ARHGAP26: variants seen among roughly 807,000 people sequenced by gnomAD.
ARHGAP26 encodes Rho GTPase activating protein 26.
ARHGAP26 carries 38 observed loss-of-function variants against 104.8 expected under a neutral mutation model. The ratio of observed to expected loss-of-function variants is 0.36; its 90% CI spans 0.28 to 0.48. ARHGAP26 has a LOEUF of 0.48. Among genes scored for constraint, ARHGAP26 ranks in the 20% least tolerant of loss-of-function variants. The pLI is 0.99. For synonymous variants in ARHGAP26, 341 were observed against 340.0 expected, an observed-to-expected ratio of 1.00 and a Z score of -0.03; for missense variants, 704 against 947.9, an observed-to-expected ratio of 0.74 and a Z score of 3.38.
At chr5:142,977,047 C>G (rs1304107693) in intron 11 of ARHGAP26, among the ~76,000 whole-genome samples, 1 of 152,206 alleles carries the variant, frequency 6.6e-6, no homozygotes, top group Non-Finnish European at 1.5e-5. Context: ...TGAGGCCACT[C>G]CTGAGTCATA....
intron 18 of ARHGAP26, among the ~76,000 whole-genome samples, chr5:143,125,364 A>G (rs1037686267): frequency 1.3e-5 from 2 of 152,146 alleles, no homozygotes; most frequent in Non-Finnish European, 2.9e-5. Context: ...AAGTCTAGAA[A>G]CACCCTCTCC....
intron 1 of ARHGAP26, among the ~76,000 whole-genome samples, chr5:142,867,342 G>T (rs924122898): frequency 6.8e-6 from 1 of 146,076 alleles, no homozygotes; most frequent in Non-Finnish European, 1.5e-5. Flanking sequence ...GTTTGTTTTT[G>T]CTAGTACAAT....
chr5:142,822,372 A>T (rs1766368564), intron 1 of ARHGAP26, among the ~76,000 whole-genome samples: 1 of 152,132 alleles, frequency 6.6e-6, no homozygotes, highest in Non-Finnish European at 1.5e-5. Flanking sequence ...GGCTATCTTC[A>T]TTTTGGCATG....
At chr5:143,017,130 T>C (rs868646386) in intron 12 of ARHGAP26, among the ~76,000 whole-genome samples, 5 of 152,234 alleles carry the variant, frequency 3.3e-5, no homozygotes, top group Non-Finnish European at 7.3e-5. Context: ...ATTCCAAATG[T>C]CCGGCATTTT....
At chr5:143,039,907 T>C (rs1247235218) in intron 13 of ARHGAP26, among the ~76,000 whole-genome samples, 4 of 152,210 alleles carry the variant, frequency 2.6e-5, no homozygotes, top group East Asian at 1.9e-4. Flanking sequence ...AAAGTCTTCA[T>C]TGAGCACAAA....
chr5:142,832,569 C>A (rs949645383), intron 1 of ARHGAP26, among the ~76,000 whole-genome samples: 10 of 152,220 alleles, frequency 6.6e-5, no homozygotes, highest in Non-Finnish European at 1.5e-4. Flanking sequence ...ATACAAATAA[C>A]AAACACTTAT....
At chr5:142,826,702 G>T (rs1172862904) in intron 1 of ARHGAP26, among the ~76,000 whole-genome samples, 4 of 152,252 alleles carry the variant, frequency 2.6e-5, no homozygotes, top group South Asian at 2.1e-4. Flanking sequence ...TGTGTCCCTG[G>T]CCCCATCACC....
intron 17 of ARHGAP26, among the ~76,000 whole-genome samples, chr5:143,069,342 G>A (rs1426781287): frequency 1.3e-5 from 2 of 152,002 alleles, no homozygotes; most frequent in Non-Finnish European, 1.5e-5. Context: ...TGCCTGCACT[G>A]CTCAATAAAT....
intron 10 of ARHGAP26, among the ~76,000 whole-genome samples, chr5:142,916,378 G>A (rs1598224592): frequency 6.6e-6 from 1 of 152,140 alleles, no homozygotes; most frequent in East Asian, 1.9e-4. Flanking sequence ...GTACATCAAC[G>A]TATTTTACTG....
At chr5:142,833,013 A>C (rs1768805057) in intron 1 of ARHGAP26, among the ~76,000 whole-genome samples, 2 of 152,188 alleles carry the variant, frequency 1.3e-5, no homozygotes, top group Admixed American at 1.3e-4. Flanking sequence ...GTAAAGCAGT[A>C]GGATGAAATA....
chr5:143,210,851 A>G (rs1809349558), intron 21 of ARHGAP26, among the ~76,000 whole-genome samples: 1 of 152,060 alleles, frequency 6.6e-6, no homozygotes, highest in Non-Finnish European at 1.5e-5. Context: ...GAGGATCCCA[A>G]CTTGTTCATG....
At chr5:143,140,927 T>C (rs538890769) in intron 19 of ARHGAP26, among the ~76,000 whole-genome samples, 1 of 152,364 alleles carries the variant, frequency 6.6e-6, no homozygotes, top group African/African-American at 2.4e-5. Context: ...TGTGTCTTCC[T>C]TGTTGAAAAA....
At chr5:142,880,913 C>T (rs1756907027) in intron 4 of ARHGAP26, among the ~76,000 whole-genome samples, 1 of 151,820 alleles carries the variant, frequency 6.6e-6, no homozygotes, top group Admixed American at 6.5e-5. Flanking sequence ...GACTTTCTCC[C>T]AGTTTTAGAG....
At chr5:143,199,426 A>G (rs977667225) in intron 20 of ARHGAP26, among the ~76,000 whole-genome samples, 2 of 152,152 alleles carry the variant, frequency 1.3e-5, no homozygotes, top group Admixed American at 6.5e-5. Flanking sequence ...TTTTGGCTCT[A>G]TTTTCTTGGC....
At position 142,771,023 on chromosome 5, in the gene ARHGAP26, A is replaced by G. The variant is rs551220265; in HGVS notation, c.154+108A>G. 4.4e-5 allele frequency: 64 copies of G among 1,455,282 alleles called. No individual in the cohort carries two copies. The African/African-American group carries it at 8.5e-4, about 19-fold the overall frequency. 90.1% of individuals were successfully genotyped at this position (1,455,282 alleles called of 1,614,324 possible). On this transcript the variant is annotated intron_variant, in intron 1 of 22. Coordinates refer to ENST00000645722, the MANE Select transcript of ARHGAP26 (RefSeq NM_001135608.3). ...TCTGCCGGGTTTCTGCTCCCGGTAC[A>G]CTGGGGGACGGGTGTCGACGCCTCC...
intron 14 of ARHGAP26, among the ~76,000 whole-genome samples, chr5:143,050,154 A>G (rs966254975): frequency 1.1e-4 from 16 of 152,102 alleles, no homozygotes; most frequent in Non-Finnish European, 4.4e-5. Context: ...CCCCAGCTGG[A>G]TTTTCCTCAG....
intron 1 of ARHGAP26, among the ~76,000 whole-genome samples, chr5:142,788,536 A>G (rs892798459): frequency 6.6e-6 from 1 of 152,218 alleles, no homozygotes; most frequent in Non-Finnish European, 1.5e-5. Context: ...GATTCAACCA[A>G]CCACAGATCA....
chr5:143,165,714 C>T (rs774461604), intron 20 of ARHGAP26, among the ~76,000 whole-genome samples: 29 of 152,182 alleles, frequency 1.9e-4, no homozygotes, highest in Non-Finnish European at 2.9e-4. Flanking sequence ...CATCACCCCA[C>T]CGACCCTCCC....
At chr5:143,072,557 G>A (rs1788431369) in intron 17 of ARHGAP26, among the ~76,000 whole-genome samples, 1 of 152,144 alleles carries the variant, frequency 6.6e-6, no homozygotes, top group Admixed American at 6.5e-5. Flanking sequence ...ATACACAATG[G>A]AATACTATTC....
Sources: allele counts gnomAD v4.1 joint callset (sites outside exome capture counted in the v4.1 genomes callset), GRCh38; gene constraint gnomAD v4.1.1; transcripts MANE v1.5; gene names NCBI Gene and HGNC (gene_info 2026-07-23, HGNC 2026-07-21).